WIPF1: variants seen among roughly 807,000 people sequenced by gnomAD.
WIPF1 encodes WAS/WASL-interacting protein family member 1.
A neutral mutation model predicts 35.4 loss-of-function variants in WIPF1; 13 were observed. That is an observed-to-expected ratio of 0.37 (90% CI 0.24 to 0.58). The LOEUF (loss-of-function observed/expected upper bound fraction) is 0.58. WIPF1 is among the 20% of genes least tolerant of loss of function. The pLI is 0.74. For synonymous variants in WIPF1, 267 were observed against 266.3 expected, an observed-to-expected ratio of 1.00 and a Z score of -0.02; for missense variants, 591 against 667.0, an observed-to-expected ratio of 0.89 and a Z score of 1.25.
At chr2:174,612,578 G>GT (rs71024820) in intron 1 of WIPF1, among the ~76,000 whole-genome samples, 71,549 of 149,918 alleles carry the variant, frequency 0.48, 18,044 homozygotes, top group East Asian at 0.92. Flanking sequence ...GACATGAACA[G>GT]TTTTTTTTTA....
chr2:174,563,351 G>A (rs1291803851), intron 7 of WIPF1, among the ~76,000 whole-genome samples: 1 of 152,110 alleles, frequency 6.6e-6, no homozygotes, highest in Non-Finnish European at 1.5e-5. Context: ...GAGGGATGAT[G>A]GCTTGAGCTC....
Position 174,568,145 on chromosome 2 carries a change from CAGCTGATGAGG to C in WIPF1, c.1130-83_1130-73del. On this transcript the variant is annotated intron_variant, in intron 5 of 7. Coordinates refer to ENST00000679041, the MANE Select transcript of WIPF1 (RefSeq NM_001375834.1). ...CATTACCGTGGTCACCATTGGTGTACAGCTGATGAGGACTTGCTGGACACATGCCCTTTAAT... is the reference window on the plus strand; with the variant it reads ...CATTACCGTGGTCACCATTGGTGTACACTTGCTGGACACATGCCCTTTAAT... The C allele has an allele frequency of 2.0e-6, 3 of 1,496,092 alleles. No individual in the cohort carries two copies. In the South Asian group the frequency reaches 3.8e-5, roughly 19 times the overall value. The allele number at this position is 1,496,092 out of a possible 1,614,324, so 92.7% of individuals were successfully genotyped here.
At position 174,572,463 on chromosome 2, in the gene WIPF1, C is replaced by T. The variant is rs1453623555; in HGVS notation, c.359-17G>A. The T allele has an allele frequency of 1.2e-6, 2 of 1,613,858 alleles. No individual in the cohort carries two copies. The highest frequency in any genetic ancestry group is 1.7e-6 in the Non-Finnish European group (2 of 1,179,984). On this transcript the variant is annotated splice_polypyrimidine_tract_variant and intron_variant, in intron 4 of 7. Coordinates refer to ENST00000679041, the MANE Select transcript of WIPF1 (RefSeq NM_001375834.1). ...CTCCAGAATCTGAAGAACAGGAAAA[C>T]AAACATCAGTTAGGAAATCAGGAAC...
chr2:174,627,049 G>A (rs752380260), intron 1 of WIPF1, among the ~76,000 whole-genome samples: 38 of 152,014 alleles, frequency 2.5e-4, no homozygotes, highest in Non-Finnish European at 4.1e-4. Context: ...CCGCTTCTGC[G>A]TCCTCAGGCT....
chr2:174,664,555 C>T (rs751782510), intron 1 of WIPF1, among the ~76,000 whole-genome samples: 8 of 152,218 alleles, frequency 5.3e-5, no homozygotes, highest in Non-Finnish European at 7.3e-5. Context: ...TTCAAATGAG[C>T]AGTAGGGGAA....
At chr2:174,664,377 CTG>C (rs1687844809) in intron 1 of WIPF1, among the ~76,000 whole-genome samples, 1 of 152,162 alleles carries the variant, frequency 6.6e-6, no homozygotes, top group Non-Finnish European at 1.5e-5. Context: ...CCCCTTAGTG[CTG>C]GGTTAGTCCA....
intron 1 of WIPF1, among the ~76,000 whole-genome samples, chr2:174,631,449 C>A (rs1687017397): frequency 1.3e-5 from 2 of 152,010 alleles, no homozygotes; most frequent in Admixed American, 1.3e-4. Flanking sequence ...ATGGTGGCTG[C>A]CAAGAGCTGG....
At chr2:174,675,898 G>C (rs1003984663) in intron 1 of WIPF1, among the ~76,000 whole-genome samples, 2 of 150,572 alleles carry the variant, frequency 1.3e-5, no homozygotes, top group South Asian at 4.2e-4. Context: ...ATGAAGGCGT[G>C]GGGAAGAGAT....
intron 1 of WIPF1, among the ~76,000 whole-genome samples, chr2:174,659,611 G>A (rs1260347445): frequency 6.6e-6 from 1 of 152,192 alleles, no homozygotes; most frequent in Non-Finnish European, 1.5e-5. Context: ...AGGACTGGAA[G>A]GGACTCCGGA....
intron 1 of WIPF1, among the ~76,000 whole-genome samples, chr2:174,591,482 C>A (rs569833746): frequency 7.2e-4 from 109 of 151,944 alleles, no homozygotes; most frequent in African/African-American, 2.4e-3. Flanking sequence ...TAAGTGACTG[C>A]CAAAGGTTTA....
At chr2:174,669,851 G>C (rs1687970542) in intron 1 of WIPF1, among the ~76,000 whole-genome samples, 1 of 152,134 alleles carries the variant, frequency 6.6e-6, no homozygotes. Context: ...ACTCCAGCCT[G>C]GGTGACAGCA....
chr2:174,663,287 G>C (rs1241230103), intron 1 of WIPF1, among the ~76,000 whole-genome samples: 2 of 152,112 alleles, frequency 1.3e-5, no homozygotes, highest in Non-Finnish European at 2.9e-5. Context: ...ACCTCCAAGG[G>C]GTGCAGAGGA....
chr2:174,590,732 C>T lies in WIPF1; in HGVS notation c.-38-5121G>A, dbSNP rs1685577020. ...ACTTGCTGGGCCTTGCCCTCCTACCCCACCCCAACCCAAGCAATGAACTTT... is the reference window on the plus strand; with the variant it reads ...ACTTGCTGGGCCTTGCCCTCCTACCTCACCCCAACCCAAGCAATGAACTTT... On this transcript the variant is annotated intron_variant, in intron 1 of 7. Transcript: ENST00000679041. The surrounding 1 kb of genome is among the most constrained non-coding windows in gnomAD (Gnocchi z 4.6). Among the ~76,000 whole-genome samples, 1 of 152,142 alleles carries T rather than the reference C, an allele frequency of 6.6e-6. No individual in the cohort carries two copies. The highest frequency in any genetic ancestry group is 2.4e-5 in the African/African-American group (1 of 41,404).
At chr2:174,567,269 A>C (rs1684691968) in intron 6 of WIPF1, 86 bp from the exon 7 acceptor site, 1 of 1,234,808 alleles carries the variant, frequency 8.1e-7, no homozygotes, top group Admixed American at 2.0e-5. Flanking sequence ...TGAAAGAGAG[A>C]GAGAACCACA....
chr2:174,626,666 CTTAT>C (rs1053698164), intron 1 of WIPF1, among the ~76,000 whole-genome samples: 7 of 152,152 alleles, frequency 4.6e-5, no homozygotes, highest in African/African-American at 1.7e-4. Flanking sequence ...CTCTCTTTTG[CTTAT>C]TATTTTTCAA....
intron 7 of WIPF1, chr2:174,566,266 A>T (rs144380636): frequency 6.6e-6 from 1 of 152,292 alleles, no homozygotes; most frequent in East Asian, 1.9e-4. Context: ...ATTCTCAAAG[A>T]GCTGTAACAC....
intron 1 of WIPF1, among the ~76,000 whole-genome samples, chr2:174,679,991 A>G (rs1285092836): frequency 6.6e-6 from 1 of 152,262 alleles, no homozygotes; most frequent in Non-Finnish European, 1.5e-5. Flanking sequence ...CCTGGCACAC[A>G]GTAAACACTT....
chr2:174,564,815 G>GCGCACA (rs1384559403), intron 7 of WIPF1, among the ~76,000 whole-genome samples: 34 of 143,512 alleles, frequency 2.4e-4, no homozygotes, highest in African/African-American at 8.8e-4. Context: ...TTCTTCTGGT[G>GCGCACA]CACACACACA....
chr2:174,580,840 T>A (rs1685213806), intron 3 of WIPF1, among the ~76,000 whole-genome samples: 1 of 152,222 alleles, frequency 6.6e-6, no homozygotes. Flanking sequence ...ACAGGCATTA[T>A]CTCATTTGAA....
Sources: allele counts gnomAD v4.1 joint callset (sites outside exome capture counted in the v4.1 genomes callset), GRCh38; gene constraint gnomAD v4.1.1; non-coding constraint Gnocchi (gnomAD v3.1); transcripts MANE v1.5; gene names NCBI Gene and HGNC (gene_info 2026-07-23, HGNC 2026-07-21).